The following SLFN11 variants were observed in gnomAD, a reference collection of about 807,000 sequenced individuals.
The protein encoded by SLFN11 is schlafen family member 11.
In SLFN11, 43 loss-of-function variants were observed where a neutral mutation model predicts 53.4. That is an observed-to-expected ratio of 0.80 (90% CI 0.63 to 1.04). The LOEUF (loss-of-function observed/expected upper bound fraction) is 1.04. SLFN11 is among the 50% of genes least tolerant of loss of function. SLFN11 has a pLI of 0.00. For missense variants in SLFN11, 990 were observed against 1,079.1 expected (o/e 0.92, Z 1.16); for synonymous variants, 389 against 394.7 (o/e 0.99, Z 0.17).
chr17:35,356,829 CACAT>C (rs1045194233), intron 5 of SLFN11, among the ~76,000 whole-genome samples: 14 of 150,660 alleles, frequency 9.3e-5, no homozygotes, highest in South Asian at 2.1e-4. Flanking sequence ...CACACACACA[CACAT>C]AATAAAATCC....
intron 5 of SLFN11, 142 bp downstream of exon 5, chr17:35,360,101 C>G (rs1908010722): frequency 1.2e-6 from 1 of 830,682 alleles, no homozygotes; most frequent in Non-Finnish European, 1.9e-6. Context: ...CCACTTATCA[C>G]CAATAGGATT....
Position 35,363,740 on chromosome 17 carries a change from TCTC to T in SLFN11, c.65_67del (p.Gly22del). On this transcript the variant is annotated inframe_deletion, in exon 4 of 7. Transcript: ENST00000685675. ...TCTGTTTTCTTCTCCAAGAGTCACT[TCTC>T]CTACATTGATGACCAGGTCTGGGTA... is the stretch of plus-strand genomic sequence containing the variant. 6.2e-7 allele frequency: 1 copy of T among 1,613,178 alleles called. No individual in the cohort carries two copies. The highest frequency in any genetic ancestry group is 8.5e-7 in the Non-Finnish European group (1 of 1,179,480).
rs777576783 is a variant in SLFN11 at position 35,362,935 on chromosome 17, G to A, written c.873C>T (p.Arg291=). The change falls in exon 4 of 7, where the codon CGC becomes CGT. Residue 291 remains arginine, a synonymous_variant. Coordinates refer to ENST00000685675, the MANE Select transcript of SLFN11 (RefSeq NM_001376007.1). The stretch of plus-strand genomic sequence containing the variant: ...CAATTTTGAGTGTGAAGGTTATCGG[G>A]CGTTGGGGTTGGCAAAAATGAACAC... The part of the protein sequence containing the change: ...LPCVHFCQPQ[R]PITFTLKIVN... 2 of 1,613,666 alleles carry A rather than the reference G, an allele frequency of 1.2e-6. No individual in the cohort carries two copies. The highest frequency in any genetic ancestry group is 3.3e-5 in the Admixed American group (2 of 59,944).
chr17:35,362,610 T>C (rs1908367760), intron 4 of SLFN11, 129 bp downstream of exon 4: 1 of 692,224 alleles, frequency 1.4e-6, no homozygotes, highest in Non-Finnish European at 2.2e-6. Flanking sequence ...AGTAGAATAC[T>C]TGGGGATTCA....
rs1216555257 is a variant in SLFN11, at chr17:35,351,792, A to G, written c.*564T>C. ...TAAAGGATTAAATAATCATAACGGT[A>G]TTCTTTGTCCTGACAAAATTATTAA... On this transcript the variant is annotated 3_prime_UTR_variant, in exon 7 of 7. Transcript: ENST00000685675. The G allele has an allele frequency of 1.3e-5, 2 of 153,366 alleles. No individual in the cohort carries two copies. Among genetic ancestry groups the G allele is most frequent in the African/African-American group, 4.8e-5 (2 of 41,454 alleles). The allele number at this position is 153,366 out of a possible 1,614,324, so 9.5% of individuals were successfully genotyped here.
chr17:35,372,068 T>G (rs1265962749), intron 1 of SLFN11, among the ~76,000 whole-genome samples: 2 of 152,168 alleles, frequency 1.3e-5, no homozygotes, highest in Admixed American at 1.3e-4. Flanking sequence ...TTGGAAGCAC[T>G]CTAAGCGTCC....
chr17:35,370,138 T>C (rs1198849930), intron 1 of SLFN11, among the ~76,000 whole-genome samples: 1 of 152,160 alleles, frequency 6.6e-6, no homozygotes, highest in East Asian at 1.9e-4. Flanking sequence ...TTATCATGAC[T>C]AAGTGCTATT....
rs565832750 is a variant in SLFN11, at chr17:35,354,487, C to G, written c.1199-428G>C. Among the ~76,000 whole-genome samples, 4 of 152,286 alleles carry G rather than the reference C, an allele frequency of 2.6e-5. No homozygotes were observed. The East Asian group carries it at 7.7e-4, about 29-fold the overall frequency. On this transcript the variant is annotated intron_variant, in intron 5 of 6. Coordinates refer to ENST00000685675, the MANE Select transcript of SLFN11 (RefSeq NM_001376007.1). ...CATTGCTGGGAGTAGCAGGAGCCCC[C>G]CCTCCTCCACTGCCACAGGAAGAAG...
At chr17:35,357,580 C>T (rs1439439060) in intron 5 of SLFN11, among the ~76,000 whole-genome samples, 1 of 151,074 alleles carries the variant, frequency 6.6e-6, no homozygotes, top group Non-Finnish European at 1.5e-5. Flanking sequence ...TTTTTCTCTA[C>T]TTACTTGCAA....
chr17:35,356,794 GCATACACA>G (rs935592614), intron 5 of SLFN11, among the ~76,000 whole-genome samples: 1 of 109,552 alleles, frequency 9.1e-6, no homozygotes, highest in African/African-American at 4.2e-5. Flanking sequence ...AGCATATGTA[GCATACACA>G]CACACACACA....
At chr17:35,360,713 C>A (rs1222853833) in intron 4 of SLFN11, among the ~76,000 whole-genome samples, 1 of 152,084 alleles carries the variant, frequency 6.6e-6, no homozygotes, top group African/African-American at 2.4e-5. Context: ...TGTTTTACAT[C>A]CCCTCTCCAA....
chr17:35,368,868 GACA>G lies in SLFN11; in HGVS notation c.-234-1171_-234-1169del, dbSNP rs543867854. ...CACCCATTCCAGACCCTATCTCCTG[GACA>G]ACATTTCTAGACACACTCTGGGCCA... On this transcript the variant is annotated intron_variant, in intron 1 of 6. Coordinates refer to ENST00000685675, the MANE Select transcript of SLFN11 (RefSeq NM_001376007.1). Among the ~76,000 whole-genome samples, 892 of 152,174 alleles carry G rather than the reference GACA, an allele frequency of 5.9e-3. 13 individuals are homozygous for G. Among genetic ancestry groups the G allele is most frequent in the Admixed American group, 0.011 (166 of 15,296 alleles).
chr17:35,363,049 CT>C lies in SLFN11; in HGVS notation c.758del (p.Lys253ArgfsTer18). On this transcript the variant is annotated frameshift_variant, in exon 4 of 7. Transcript: ENST00000685675. LOFTEE classifies it high-confidence loss of function. ...GGYLFIGVDD[K>X]SREVLGCAKE... ...TTGCACATCCCAGGACTTCCCTACT[CT>C]TATCATCCACTCCAATAAAAAGATA... 6.2e-7 allele frequency: 1 copy of C among 1,614,046 alleles called. No homozygotes were observed. Among genetic ancestry groups the C allele is most frequent in the Non-Finnish European group, 8.5e-7 (1 of 1,179,998 alleles).
rs1414668877 is a variant in SLFN11 at position 35,362,791 on chromosome 17, G to A, written c.1017C>T (p.Val339=). 2 of 1,603,490 alleles carry A rather than the reference G, an allele frequency of 1.2e-6. No homozygotes were observed. The highest frequency in any genetic ancestry group is 2.2e-5 in the South Asian group (2 of 90,274). Residue 339 remains valine (V), a synonymous_variant, in exon 4 of 7, where the codon GTC becomes GTT. Transcript: ENST00000685675. The part of the protein sequence containing the change: ...PNSWIVEDKY[V]CSLTTEKWVG... ...CCCATTTCTCGGTTGTCAGGCTGCAGACGTACTTGTCCTCCACTATCCATG... is the reference window on the plus strand; with the variant it reads ...CCCATTTCTCGGTTGTCAGGCTGCAAACGTACTTGTCCTCCACTATCCATG...
intron 1 of SLFN11, among the ~76,000 whole-genome samples, chr17:35,368,642 C>G (rs1909260188): frequency 6.6e-6 from 1 of 152,144 alleles, no homozygotes; most frequent in Non-Finnish European, 1.5e-5. Context: ...GGCACACGAC[C>G]TACTGAGATA....
chr17:35,360,748 A>G (rs1046262657), intron 4 of SLFN11, among the ~76,000 whole-genome samples: 62 of 151,958 alleles, frequency 4.1e-4, no homozygotes, highest in African/African-American at 1.4e-3. Flanking sequence ...CCTGAACCCA[A>G]CTCTCAACTC....
At chr17:35,358,680 G>T (rs1218934081) in intron 5 of SLFN11, among the ~76,000 whole-genome samples, 2 of 151,920 alleles carry the variant, frequency 1.3e-5, no homozygotes, top group Non-Finnish European at 2.9e-5. Context: ...TATTTGCATA[G>T]ATACACAGAA....
intron 5 of SLFN11, among the ~76,000 whole-genome samples, chr17:35,359,834 C>G (rs575825976): frequency 6.6e-6 from 1 of 152,190 alleles, no homozygotes; most frequent in Admixed American, 6.5e-5. Flanking sequence ...TAAAAGGTTT[C>G]CAATCTAGAT....
intron 5 of SLFN11, 21 bp downstream of exon 5, chr17:35,360,222 G>A (rs1387199891): frequency 6.2e-7 from 1 of 1,603,514 alleles, no homozygotes; most frequent in Non-Finnish European, 8.5e-7. Flanking sequence ...GGCTGGTGTT[G>A]AGAAGACAAA....
Sources: allele counts gnomAD v4.1 joint callset (sites outside exome capture counted in the v4.1 genomes callset), GRCh38; gene constraint gnomAD v4.1.1; transcripts MANE v1.5; gene names NCBI Gene and HGNC (gene_info 2026-07-23, HGNC 2026-07-21).